Variants in ZNF528 observed in about 807,000 individuals in gnomAD.
The protein encoded by ZNF528 is zinc finger protein 528.
In ZNF528, 9 loss-of-function variants were observed where a neutral mutation model predicts 13.3. The observed-to-expected ratio is 0.67, with a 90% CI of 0.41 to 1.18. The LOEUF (loss-of-function observed/expected upper bound fraction) is 1.18. Ranked by LOEUF, ZNF528 falls within the 50% of genes most tolerant of loss-of-function variation. The pLI is 0.01. For synonymous variants in ZNF528, 264 were observed against 254.3 expected, an observed-to-expected ratio of 1.04 and a Z score of -0.36; for missense variants, 858 against 745.4, an observed-to-expected ratio of 1.15 and a Z score of -1.76.
At chr19:52,402,406 T>C (rs996032883) in intron 4 of ZNF528, 2 of 279,650 alleles carry the variant, frequency 7.2e-6, no homozygotes, top group African/African-American at 2.2e-5. Flanking sequence ...TTCTTTCTTC[T>C]TTCTTTTTTT....
intron 6 of ZNF528, chr19:52,408,634 C>T (rs2058889570): frequency 6.6e-6 from 1 of 151,800 alleles, no homozygotes; most frequent in South Asian, 2.1e-4. Flanking sequence ...AGTGCAATGG[C>T]AGGATCTTGG....
Position 52,417,257 on chromosome 19 carries a change from C to T in ZNF528, c.*518C>T. 6.7e-6 allele frequency: 2 copies of T among 300,056 alleles called. No homozygotes were observed. Among genetic ancestry groups the T allele is most frequent in the Non-Finnish European group, 6.5e-6 (1 of 153,802 alleles). 18.6% of individuals were successfully genotyped at this position (300,056 alleles called of 1,614,324 possible). On this transcript the variant is annotated 3_prime_UTR_variant, in exon 7 of 7. Coordinates refer to ENST00000360465, the MANE Select transcript of ZNF528 (RefSeq NM_032423.3). The stretch of plus-strand genomic sequence containing the variant: ...GGAAAGAATCAGTAGGATGACAGGG[C>T]TGACTTCATTAGCTGAGGATTATTT...
intron 1 of ZNF528, 36 bp from the exon 2 acceptor site, chr19:52,398,331 C>T (rs2122491247): frequency 6.5e-6 from 1 of 152,944 alleles, no homozygotes; most frequent in East Asian, 1.9e-4. Context: ...CCACTCCTGC[C>T]TTTTTGCTCC....
At chr19:52,406,710 GTCA>G in intron 6 of ZNF528, 67 bp downstream of exon 6, 1 of 1,542,734 alleles carries the variant, frequency 6.5e-7, no homozygotes, top group South Asian at 1.3e-5. Flanking sequence ...GTCTAACGCT[GTCA>G]TCCAGGCTAG....
chr19:52,415,598 T>C lies in ZNF528; in HGVS notation c.746T>C (p.Leu249Pro), dbSNP rs2058990103. Residue 249 changes from leucine to proline, a missense_variant, in exon 7 of 7, where the codon CTC (leucine) becomes CCC (proline). Leu to Pro is a moderately conservative substitution (Grantham distance 98, BLOSUM62 -3). Coordinates refer to ENST00000360465, the MANE Select transcript of ZNF528 (RefSeq NM_032423.3). ...TACAAATGTCATGAATGTGGCAAGC[T>C]CTTCAGTAGCAATTCAAACCTTTCA... is the stretch of plus-strand genomic sequence containing the variant. ...KPYKCHECGKLFSSNSNLSQH... is the reference protein window; with the variant it reads ...KPYKCHECGKPFSSNSNLSQH... 6.2e-7 allele frequency: 1 copy of C among 1,613,988 alleles called. No homozygotes were observed. The highest frequency in any genetic ancestry group is 8.5e-7 in the Non-Finnish European group (1 of 1,180,036).
At chr19:52,414,691 A>C (rs914186705) in intron 6 of ZNF528, 1 of 373,476 alleles carries the variant, frequency 2.7e-6, no homozygotes, top group African/African-American at 2.1e-5. Context: ...CCTCCAGTGG[A>C]ATGTTGAGCT....
intron 4 of ZNF528, among the ~76,000 whole-genome samples, chr19:52,403,615 G>A (rs1310337886): frequency 1.4e-5 from 2 of 139,076 alleles, no homozygotes; most frequent in African/African-American, 2.7e-5. Flanking sequence ...AGCCAAGATT[G>A]TGCTACTGCA....
chr19:52,398,326 C>G (rs1421641425), intron 1 of ZNF528, 41 bp from the exon 2 acceptor site: 2 of 152,750 alleles, frequency 1.3e-5, no homozygotes, highest in African/African-American at 4.8e-5. Flanking sequence ...CTGACCCACT[C>G]CTGCCTTTTT....
Position 52,416,683 on chromosome 19 carries a change from A to G in ZNF528, c.1831A>G (p.Ser611Gly), listed in dbSNP as rs377123037. ...GAAACCTTACAAATGCACCCTGTGC[A>G]GTAAGGTCTTCAGTCACAATTCTGA... Reference protein sequence around the residue: ...GEKPYKCTLCSKVFSHNSDLA... With the variant: ...GEKPYKCTLCGKVFSHNSDLA... The change falls in exon 7 of 7, where the codon AGT becomes GGT. Residue 611 changes from serine (S) to glycine (G), a missense_variant. Transcript: ENST00000360465. 1.9e-4 allele frequency: 314 copies of G among 1,612,536 alleles called. No homozygotes were observed. The highest frequency in any genetic ancestry group is 4.3e-4 in the Admixed American group (26 of 59,994).
intron 6 of ZNF528, chr19:52,414,143 G>T: frequency 1.4e-6 from 1 of 698,658 alleles, no homozygotes; most frequent in South Asian, 1.5e-5. Flanking sequence ...TCAGGGCACT[G>T]ACCTTATATC....
Position 52,416,605 on chromosome 19 carries a change from A to C in ZNF528, c.1753A>C (p.Ile585Leu). 4 of 1,614,176 alleles carry C rather than the reference A, an allele frequency of 2.5e-6. No homozygotes were observed. The highest frequency in any genetic ancestry group is 1.7e-6 in the Non-Finnish European group (2 of 1,180,022). The change falls in exon 7 of 7, where the codon ATC becomes CTC. Residue 585 changes from isoleucine to leucine, a missense_variant. Coordinates refer to ENST00000360465, the MANE Select transcript of ZNF528 (RefSeq NM_032423.3). Reference protein sequence around the residue: ...KSHECKECGKIFTQKSSLTNH... With the variant: ...KSHECKECGKLFTQKSSLTNH... ...TCATGAGTGTAAAGAATGTGGCAAG[A>C]TCTTCACTCAGAAGTCTTCCCTCAC... is the stretch of plus-strand genomic sequence containing the variant.
At chr19:52,409,120 C>A (rs528222588) in intron 6 of ZNF528, among the ~76,000 whole-genome samples, 3 of 152,090 alleles carry the variant, frequency 2.0e-5, no homozygotes, top group Middle Eastern at 3.4e-3. Context: ...TGCTTTCTAG[C>A]CTGAAGATGT....
intron 6 of ZNF528, among the ~76,000 whole-genome samples, chr19:52,410,179 C>T (rs927880315): frequency 1.3e-5 from 2 of 152,134 alleles, no homozygotes; most frequent in Non-Finnish European, 2.9e-5. Flanking sequence ...GTGGGTGCCA[C>T]CTGCATGGAC....
Position 52,415,786 on chromosome 19 carries a change from C to T in ZNF528, c.934C>T (p.Leu312Phe). The change falls in exon 7 of 7, where the codon CTT becomes TTT. Residue 312 changes from leucine (L) to phenylalanine (F), a missense_variant. Leu to Phe is a conservative substitution (Grantham distance 22). Transcript: ENST00000360465. ...CDKVFNQIAH[L>F]VRHQKIHTGE... ...CAAGGTCTTCAATCAAATTGCACAC[C>T]TTGTACGACATCAAAAAATTCATAC... The T allele has an allele frequency of 6.2e-7, 1 of 1,614,028 alleles. No individual in the cohort carries two copies. The highest frequency in any genetic ancestry group is 8.5e-7 in the Non-Finnish European group (1 of 1,180,026).
chr19:52,400,690 A>T (rs985190542), intron 2 of ZNF528, among the ~76,000 whole-genome samples: 24 of 151,540 alleles, frequency 1.6e-4, no homozygotes, highest in African/African-American at 5.8e-4. Flanking sequence ...TGGCTGATTG[A>T]AAAAAAAATT....
intron 1 of ZNF528, 122 bp downstream of exon 1, chr19:52,398,026 T>C (rs1220239601): frequency 6.6e-6 from 1 of 152,148 alleles, no homozygotes; most frequent in Admixed American, 6.6e-5. Context: ...CCCGAGTAAA[T>C]TCAGACATCC....
chr19:52,414,351 T>C (rs1431176230), intron 6 of ZNF528: 4 of 702,054 alleles, frequency 5.7e-6, no homozygotes, highest in African/African-American at 1.7e-5. Context: ...GGGGCGAACA[T>C]TGGAATAAAA....
In ZNF528 at chr19:52,398,567, T is replaced by G. The variant is rs146037908; in HGVS notation, c.-189T>G. 24 of 985,132 alleles carry G rather than the reference T, an allele frequency of 2.4e-5. No homozygotes were observed. The East Asian group carries it at 2.5e-3, about 103-fold the overall frequency. The allele number at this position is 985,132 out of a possible 1,614,324, so 61.0% of individuals were successfully genotyped here. ...AACGAGGCAGAGGAAATAGAGAAATTTTGAAAGAGAAATGAAGAATGAGAG... is the reference window on the plus strand; with the variant it reads ...AACGAGGCAGAGGAAATAGAGAAATGTTGAAAGAGAAATGAAGAATGAGAG... On this transcript the variant is annotated 5_prime_UTR_variant, in exon 2 of 7. It adds an upstream start codon to the 5' untranslated region. Transcript: ENST00000360465.
chr19:52,405,892 T>C lies in ZNF528; in HGVS notation c.16-15T>C. The C allele has an allele frequency of 1.9e-6, 3 of 1,607,702 alleles. No homozygotes were observed. The highest frequency in any genetic ancestry group is 1.1e-5 in the South Asian group (1 of 91,032). ...GTGTGCATACCTTGTTGCTGAAATG[T>C]GGATTTTCTTTCAGGGACCCTTGAA... On this transcript the variant is annotated splice_polypyrimidine_tract_variant and intron_variant, in intron 4 of 6. Coordinates refer to ENST00000360465, the MANE Select transcript of ZNF528 (RefSeq NM_032423.3).
Sources: gnomAD v4.1 joint callset for allele counts (sites outside exome capture counted in the v4.1 genomes callset) on GRCh38, gnomAD v4.1.1 for gene constraint, MANE v1.5 for transcripts, NCBI Gene and HGNC (gene_info 2026-07-23, HGNC 2026-07-21) for gene names.